KCNT2: variants seen among roughly 807,000 people sequenced by gnomAD.
KCNT2 encodes the protein potassium sodium-activated channel subfamily T member 2, also known as potassium channel subfamily T member 2.
A neutral mutation model predicts 153.8 loss-of-function variants in KCNT2; 67 were observed. The observed-to-expected ratio is 0.44, with a 90% confidence interval of 0.36 to 0.53. The LOEUF (loss-of-function observed/expected upper bound fraction) is 0.53. Among genes scored for constraint, KCNT2 ranks in the 20% least tolerant of loss-of-function variants. The pLI is 0.00. For synonymous variants in KCNT2, 500 were observed against 458.8 expected, an observed-to-expected ratio of 1.09 and a Z score of -1.15; for missense variants, 975 against 1,354.8, an observed-to-expected ratio of 0.72 and a Z score of 4.40.
chr1:196,267,523 T>C (rs1657658955), intron 25 of KCNT2, among the ~76,000 whole-genome samples: 1 of 152,148 alleles, frequency 6.6e-6, no homozygotes, highest in Admixed American at 6.6e-5. Context: ...ATTAGACCCC[T>C]TAAAACAGAA....
At chr1:196,471,722 C>T (rs933043806) in intron 5 of KCNT2, among the ~76,000 whole-genome samples, 1 of 151,654 alleles carries the variant, frequency 6.6e-6, no homozygotes, top group Admixed American at 6.6e-5. Flanking sequence ...TTTTATCTCT[C>T]TTATGTCTCT....
intron 6 of KCNT2, among the ~76,000 whole-genome samples, chr1:196,468,507 TAACAC>T (rs1251012899): frequency 1.3e-5 from 2 of 152,112 alleles, no homozygotes; most frequent in Non-Finnish European, 2.9e-5. Flanking sequence ...ATGGAACTGA[TAACAC>T]AGAGCAGTTT....
intron 15 of KCNT2, among the ~76,000 whole-genome samples, chr1:196,341,814 A>G (rs1665665020): frequency 1.3e-5 from 2 of 152,036 alleles, no homozygotes; most frequent in African/African-American, 4.8e-5. Context: ...ATGTATGTAA[A>G]TTCTTAATGG....
intron 26 of KCNT2, among the ~76,000 whole-genome samples, chr1:196,251,783 T>C (rs1655994841): frequency 6.6e-6 from 1 of 151,956 alleles, no homozygotes; most frequent in South Asian, 2.1e-4. Flanking sequence ...AGAAATAATA[T>C]ATGCTTGAGA....
At chr1:196,273,794 A>T (rs1032065829) in intron 25 of KCNT2, among the ~76,000 whole-genome samples, 4 of 151,748 alleles carry the variant, frequency 2.6e-5, no homozygotes, top group Non-Finnish European at 4.4e-5. Flanking sequence ...ACATTTTTGG[A>T]ATTTACAAGA....
intron 1 of KCNT2, among the ~76,000 whole-genome samples, chr1:196,524,351 C>T (rs1038315093): frequency 8.6e-5 from 13 of 150,506 alleles, no homozygotes; most frequent in Middle Eastern, 3.2e-3. Context: ...CAAAGGTCCA[C>T]GGACTGAGAA....
At chr1:196,435,712 G>T (rs1674597323) in intron 8 of KCNT2, among the ~76,000 whole-genome samples, 1 of 151,694 alleles carries the variant, frequency 6.6e-6, no homozygotes, top group East Asian at 1.9e-4. Flanking sequence ...ACATACTAAA[G>T]CATTCGGACA....
At chr1:196,554,578 C>A (rs112525528) in intron 1 of KCNT2, among the ~76,000 whole-genome samples, 8,702 of 151,124 alleles carry the variant, frequency 0.058, 387 homozygotes, top group Non-Finnish European at 0.085. Context: ...GAACTAATAC[C>A]AATCCTACTC....
chr1:196,318,364 A>G (rs1662944049), intron 20 of KCNT2, among the ~76,000 whole-genome samples: 1 of 151,794 alleles, frequency 6.6e-6, no homozygotes, highest in Non-Finnish European at 1.5e-5. Context: ...ACAATTATCA[A>G]TTCGTAGCCA....
chr1:196,404,417 C>T (rs1394566070), intron 12 of KCNT2, among the ~76,000 whole-genome samples: 2 of 151,344 alleles, frequency 1.3e-5, no homozygotes, highest in Non-Finnish European at 3.0e-5. Flanking sequence ...GCATCAAATT[C>T]AAACTTCTTA....
intron 1 of KCNT2, among the ~76,000 whole-genome samples, chr1:196,561,417 A>G (rs1360448527): frequency 6.6e-6 from 1 of 151,488 alleles, no homozygotes; most frequent in East Asian, 2.0e-4. Context: ...AGAGAAGTAT[A>G]TGTATTTATG....
intron 15 of KCNT2, among the ~76,000 whole-genome samples, chr1:196,341,591 C>A (rs184533365): frequency 1.1e-3 from 163 of 151,434 alleles, no homozygotes; most frequent in Admixed American, 6.1e-3. Flanking sequence ...TTAAGTAAAT[C>A]CTTTTTTTTT....
intron 22 of KCNT2, among the ~76,000 whole-genome samples, chr1:196,304,977 C>A (rs568843154): frequency 1.9e-4 from 29 of 152,190 alleles, no homozygotes; most frequent in African/African-American, 6.7e-4. Flanking sequence ...GCATTTAATT[C>A]TTTCACAAAT....
chr1:196,376,037 C>G (rs1442591130), intron 13 of KCNT2, among the ~76,000 whole-genome samples: 1 of 151,746 alleles, frequency 6.6e-6, no homozygotes, highest in South Asian at 2.1e-4. Flanking sequence ...TCCATCCTTC[C>G]TCTTGGGACA....
intron 12 of KCNT2, among the ~76,000 whole-genome samples, chr1:196,404,323 C>G (rs1181701086): frequency 6.6e-6 from 1 of 151,592 alleles, no homozygotes; most frequent in African/African-American, 2.4e-5. Flanking sequence ...ATTCTGTAAT[C>G]TTATCAGATG....
intron 12 of KCNT2, among the ~76,000 whole-genome samples, chr1:196,414,481 T>C (rs995038169): frequency 2.0e-5 from 3 of 151,888 alleles, no homozygotes; most frequent in Non-Finnish European, 4.4e-5. Context: ...TTTAATCTTA[T>C]CAACCTAACA....
rs1015636777 is a variant in KCNT2, at chr1:196,548,693, GACACATGC to G, written c.96-56360_96-56353del. ...GGACTATAAATCATGCTGCTATAAAGACACATGCACACGTATGTTTATTGCAGCACTAT... is the reference window on the plus strand; with the variant it reads ...GGACTATAAATCATGCTGCTATAAAGACACGTATGTTTATTGCAGCACTAT... On this transcript the variant is annotated intron_variant, in intron 1 of 27. Coordinates refer to ENST00000294725, the MANE Select transcript of KCNT2 (RefSeq NM_198503.5). 1.6e-3 allele frequency among the ~76,000 whole-genome samples: 249 copies of G among 152,166 alleles called. 1 individual carries two copies. Among genetic ancestry groups the G allele is most frequent in the African/African-American group, 5.7e-3 (237 of 41,536 alleles).
intron 12 of KCNT2, among the ~76,000 whole-genome samples, chr1:196,402,432 A>G (rs371859811): frequency 2.0e-5 from 3 of 151,766 alleles, no homozygotes; most frequent in African/African-American, 4.8e-5. Context: ...CAAGTTTATA[A>G]TTTTAACAAG....
intron 1 of KCNT2, among the ~76,000 whole-genome samples, chr1:196,499,557 T>C (rs1489407088): frequency 6.6e-6 from 1 of 152,218 alleles, no homozygotes; most frequent in South Asian, 2.1e-4. Flanking sequence ...TCTGAACTAA[T>C]AGTATGGTAG....
Sources: allele counts gnomAD v4.1 joint callset (sites outside exome capture counted in the v4.1 genomes callset), GRCh38; gene constraint gnomAD v4.1.1; transcripts MANE v1.5; gene names NCBI Gene and HGNC (gene_info 2026-07-23, HGNC 2026-07-21).